The following CDH1 variants were observed in gnomAD, a reference collection of about 807,000 sequenced individuals.
The protein encoded by CDH1 is cadherin 1, also known as cadherin-1.
CDH1 carries 35 observed loss-of-function variants against 84.5 expected under a neutral mutation model. That is an observed-to-expected ratio of 0.41 (90% CI 0.32 to 0.55). The LOEUF (loss-of-function observed/expected upper bound fraction) is 0.55, where lower values mean the gene tolerates loss of function less well. CDH1 is among the 20% of genes least tolerant of loss of function. The pLI, the probability that CDH1 is intolerant of heterozygous loss-of-function variation, is 0.19. For missense variants in CDH1, 994 were observed against 1,126.6 expected (o/e 0.88, Z 1.68); for synonymous variants, 417 against 439.0 (o/e 0.95, Z 0.63).
In CDH1 at chr16:68,813,452, C is replaced by T. The variant is rs876658901; in HGVS notation, c.1277C>T (p.Thr426Ile). 3 of 1,614,124 alleles carry T rather than the reference C, an allele frequency of 1.9e-6. No homozygotes were observed. Among genetic ancestry groups the T allele is most frequent in the Non-Finnish European group, 2.5e-6 (3 of 1,180,020 alleles). Residue 426 changes from threonine to isoleucine, a missense_variant, in exon 9 of 16, where the codon ACC becomes ATC. Physicochemically the swap from Thr to Ile is moderately conservative, Grantham distance 89. Around this residue, in one of 3 missense-constraint regions of CDH1, gnomAD observed 769 missense variants for 881.8 expected, o/e 0.87. Transcript: ENST00000261769. ...GATGATGGTGGACAATTTGTCGTCA[C>T]CACAAATCCAGTGAACAACGATGGC... ...LNDDGGQFVV[T>I]TNPVNNDGIL...
In CDH1 at chr16:68,834,380, C is replaced by A; in HGVS notation, c.*881C>A. On this transcript the variant is annotated 3_prime_UTR_variant, in exon 16 of 16. Coordinates refer to ENST00000261769, the MANE Select transcript of CDH1 (RefSeq NM_004360.5). ...GGGGCTCAAGCAGTTCTCCCACCAGCCTCCTTTTTATTTTTTTGTACAGAT... is the reference window on the plus strand; with the variant it reads ...GGGGCTCAAGCAGTTCTCCCACCAGACTCCTTTTTATTTTTTTGTACAGAT... 2.4e-6 allele frequency: 1 copy of A among 423,852 alleles called. No homozygotes were observed. The highest frequency in any genetic ancestry group is 4.6e-6 in the Non-Finnish European group (1 of 217,372). The allele number at this position is 423,852 out of a possible 1,614,324, so 26.3% of individuals were successfully genotyped here.
At chr16:68,819,163 G>T in intron 10 of CDH1, 117 bp from the exon 11 acceptor site, 2 of 1,201,454 alleles carry the variant, frequency 1.7e-6, no homozygotes, top group Non-Finnish European at 2.5e-6. Context: ...GCCTATTGTT[G>T]GTTTTCAAAA....
intron 2 of CDH1, among the ~76,000 whole-genome samples, chr16:68,794,155 C>G (rs1048774172): frequency 6.6e-5 from 10 of 152,088 alleles, no homozygotes; most frequent in African/African-American, 2.2e-4. Flanking sequence ...GTCTCAGCCT[C>G]CCGAGTAGCT....
intron 2 of CDH1, among the ~76,000 whole-genome samples, chr16:68,776,755 A>C (rs1000211726): frequency 3.3e-5 from 5 of 152,204 alleles, no homozygotes; most frequent in Non-Finnish European, 7.3e-5. Flanking sequence ...GTTTTGAGTT[A>C]TGCACAGTTT....
chr16:68,794,282 C>T (rs1960294564), intron 2 of CDH1, among the ~76,000 whole-genome samples: 1 of 152,088 alleles, frequency 6.6e-6, no homozygotes, highest in Non-Finnish European at 1.5e-5. Flanking sequence ...CACAAGCAGT[C>T]CTCTTGCCTC....
intron 2 of CDH1, among the ~76,000 whole-genome samples, chr16:68,796,311 T>C (rs1960360496): frequency 5.3e-5 from 8 of 152,206 alleles, no homozygotes; most frequent in Admixed American, 5.2e-4. Flanking sequence ...ACGTCTAAGA[T>C]ACTAGGTTAT....
intron 9 of CDH1, 137 bp from the exon 10 acceptor site, chr16:68,815,378 A>C (rs1960953439): frequency 9.0e-7 from 1 of 1,110,076 alleles, no homozygotes; most frequent in African/African-American, 1.6e-5. Context: ...TCTGCCATTG[A>C]AAGTCATGGC....
intron 2 of CDH1, among the ~76,000 whole-genome samples, chr16:68,801,438 A>T (rs964549044): frequency 6.6e-6 from 1 of 152,174 alleles, no homozygotes; most frequent in Non-Finnish European, 1.5e-5. Context: ...TCTAGACAAG[A>T]TAATATTTTC....
At chr16:68,738,964 T>C (rs72785181) in intron 2 of CDH1, among the ~76,000 whole-genome samples, 1 of 65,364 alleles carries the variant, frequency 1.5e-5, no homozygotes, top group South Asian at 5.8e-4. Context: ...TTTTTTTTTT[T>C]AAAGACAGGG....
In CDH1 at chr16:68,815,543, A is replaced by G; in HGVS notation, c.1349A>G (p.Tyr450Cys). ...TTGGATTTTGAGGCCAAGCAGCAGT[A>G]CATTCTACACGTAGCAGTGACGAAT... The part of the protein sequence containing the change: ...KGLDFEAKQQ[Y>C]ILHVAVTNVV... The change falls in exon 10 of 16, where the codon TAC (tyrosine) becomes TGC (cysteine). Residue 450 changes from tyrosine (Y) to cysteine (C), a missense_variant. Physicochemically the swap from Tyr to Cys is radical, Grantham distance 194. This residue lies in a region of CDH1 where 769 missense variants were observed against 881.8 expected (regional missense o/e 0.87). Transcript: ENST00000261769. 2 of 1,614,104 alleles carry G rather than the reference A, an allele frequency of 1.2e-6. No individual in the cohort carries two copies. Among genetic ancestry groups the G allele is most frequent in the East Asian group, 2.2e-5 (1 of 44,896 alleles).
chr16:68,818,015 GATC>G (rs1276570014), intron 10 of CDH1, among the ~76,000 whole-genome samples: 2 of 152,062 alleles, frequency 1.3e-5, no homozygotes, highest in Non-Finnish European at 2.9e-5. Flanking sequence ...GAGATGGGTG[GATC>G]ATCTGAGGTC....
chr16:68,809,499 G>C (rs1379000248), intron 5 of CDH1, among the ~76,000 whole-genome samples: 1 of 151,934 alleles, frequency 6.6e-6, no homozygotes, highest in African/African-American at 2.4e-5. Flanking sequence ...ACTGCACCCG[G>C]CCTACAAGAG....
chr16:68,778,909 G>C (rs1231758485), intron 2 of CDH1, among the ~76,000 whole-genome samples: 1 of 152,074 alleles, frequency 6.6e-6, no homozygotes, highest in Non-Finnish European at 1.5e-5. Flanking sequence ...GGCTCCCTTG[G>C]TGTGTGCCCT....
intron 2 of CDH1, among the ~76,000 whole-genome samples, chr16:68,781,976 C>T (rs930807632): frequency 3.3e-5 from 5 of 152,142 alleles, no homozygotes; most frequent in African/African-American, 4.8e-5. Flanking sequence ...AAAACAAAAC[C>T]GCAGCCCAGG....
At chr16:68,822,270 T>C (rs1416031406) in intron 12 of CDH1, 45 bp downstream of exon 12, 1 of 1,305,514 alleles carries the variant, frequency 7.7e-7, no homozygotes, top group African/African-American at 1.5e-5. Flanking sequence ...CCAACTGCCA[T>C]GCTTCCCTTC....
chr16:68,784,390 A>G (rs1176991852), intron 2 of CDH1, among the ~76,000 whole-genome samples: 1 of 152,010 alleles, frequency 6.6e-6, no homozygotes, highest in Non-Finnish European at 1.5e-5. Flanking sequence ...ACTCTGGTCA[A>G]CTGACATCCA....
At chr16:68,793,640 C>T (rs1960271877) in intron 2 of CDH1, among the ~76,000 whole-genome samples, 1 of 152,148 alleles carries the variant, frequency 6.6e-6, no homozygotes, top group African/African-American at 2.4e-5. Context: ...ACCTGTAATC[C>T]CAGCACTTGG....
intron 2 of CDH1, among the ~76,000 whole-genome samples, chr16:68,776,013 A>G (rs1959723317): frequency 2.0e-5 from 3 of 152,116 alleles, no homozygotes; most frequent in African/African-American, 7.2e-5. Flanking sequence ...GTCTCAGTTT[A>G]TCACCCAGAC....
chr16:68,781,688 G>A (rs1486930098), intron 2 of CDH1, among the ~76,000 whole-genome samples: 1 of 152,086 alleles, frequency 6.6e-6, no homozygotes, highest in Admixed American at 6.6e-5. Context: ...TGCCCAGGCT[G>A]ATCTCAAACT....
Sources: gnomAD v4.1 joint callset for allele counts (sites outside exome capture counted in the v4.1 genomes callset) on GRCh38, gnomAD v4.1.1 for gene constraint, gnomAD v4.1.1 regional missense constraint, MANE v1.5 for transcripts, NCBI Gene and HGNC (gene_info 2026-07-23, HGNC 2026-07-21) for gene names.